The following ROBO1 variants were observed in gnomAD, a reference collection of about 807,000 sequenced individuals.
ROBO1 encodes the protein roundabout guidance receptor 1, also known as roundabout homolog 1.
In ROBO1, 149 loss-of-function variants were observed where a neutral mutation model predicts 195.9. That is an observed-to-expected ratio of 0.76 (90% CI 0.67 to 0.87). ROBO1 has a LOEUF of 0.87. ROBO1 is among the 40% of genes least tolerant of loss of function. The pLI is 0.00. For missense variants in ROBO1, 1,933 were observed against 2,068.3 expected, an observed-to-expected ratio of 0.93 and a Z score of 1.27; for synonymous variants, 816 against 733.2, an observed-to-expected ratio of 1.11 and a Z score of -1.82.
intron 5 of ROBO1, among the ~76,000 whole-genome samples, chr3:78,723,187 C>T (rs1446076462): frequency 2.6e-5 from 4 of 152,084 alleles, no homozygotes; most frequent in Admixed American, 1.3e-4. Flanking sequence ...CAGTGCATCA[C>T]CTTTTCTACA....
intron 2 of ROBO1, among the ~76,000 whole-genome samples, chr3:79,300,936 A>G (rs935399019): frequency 6.6e-6 from 1 of 151,990 alleles, no homozygotes; most frequent in Non-Finnish European, 1.5e-5. Context: ...GGGATTGTAA[A>G]CGCACCAATC....
intron 2 of ROBO1, among the ~76,000 whole-genome samples, chr3:79,152,688 A>T (rs190293011): frequency 3.9e-5 from 6 of 151,904 alleles, no homozygotes; most frequent in Admixed American, 3.9e-4. Context: ...AAATGGGAGG[A>T]ATCTGACAAG....
chr3:78,672,227 T>C (rs1708104092), intron 10 of ROBO1, among the ~76,000 whole-genome samples: 1 of 149,180 alleles, frequency 6.7e-6, no homozygotes, highest in African/African-American at 2.5e-5. Context: ...GTAGTATCAC[T>C]AGTGTCCTCT....
intron 1 of ROBO1, among the ~76,000 whole-genome samples, chr3:79,690,350 G>A (rs367837718): frequency 6.6e-6 from 1 of 152,112 alleles, no homozygotes; most frequent in East Asian, 2.0e-4. Context: ...TGTGAAGAGT[G>A]ATGAGAGGAC....
chr3:78,643,018 T>A (rs972829602), intron 21 of ROBO1, among the ~76,000 whole-genome samples: 2 of 152,158 alleles, frequency 1.3e-5, no homozygotes, highest in Non-Finnish European at 2.9e-5. Context: ...ATGTGATTTA[T>A]CGCATTTATT....
intron 2 of ROBO1, among the ~76,000 whole-genome samples, chr3:79,208,801 A>T (rs149642711): frequency 6.7e-6 from 1 of 149,820 alleles, no homozygotes; most frequent in East Asian, 2.0e-4. Context: ...AGATGTGAGA[A>T]ATGAGGTTTA....
At chr3:79,626,990 A>T (rs1485777283) in intron 1 of ROBO1, among the ~76,000 whole-genome samples, 1 of 152,196 alleles carries the variant, frequency 6.6e-6, no homozygotes, top group Non-Finnish European at 1.5e-5. Flanking sequence ...CCACTCCTCA[A>T]GGAAATAAGG....
chr3:79,370,417 T>G (rs987309947), intron 2 of ROBO1, among the ~76,000 whole-genome samples: 1 of 152,022 alleles, frequency 6.6e-6, no homozygotes, highest in Non-Finnish European at 1.5e-5. Context: ...TCCATATATA[T>G]TCTCCCTTTA....
intron 3 of ROBO1, among the ~76,000 whole-genome samples, chr3:78,986,987 A>G (rs1390203612): frequency 2.0e-5 from 3 of 152,102 alleles, no homozygotes; most frequent in Non-Finnish European, 1.5e-5. Flanking sequence ...TTGTTTTCTT[A>G]AACAGTGCCT....
chr3:79,006,869 GCTT>G (rs1288683119), intron 3 of ROBO1, among the ~76,000 whole-genome samples: 3 of 151,824 alleles, frequency 2.0e-5, no homozygotes, highest in Admixed American at 1.3e-4. Flanking sequence ...CAGTTATCTA[GCTT>G]CTTAATACAT....
chr3:79,407,710 T>G (rs2037602600), intron 2 of ROBO1, among the ~76,000 whole-genome samples: 1 of 152,104 alleles, frequency 6.6e-6, no homozygotes. Flanking sequence ...TATTAATGAT[T>G]TCTTAAATAT....
At chr3:79,488,737 G>C (rs1939289944) in intron 2 of ROBO1, among the ~76,000 whole-genome samples, 1 of 152,088 alleles carries the variant, frequency 6.6e-6, no homozygotes. Flanking sequence ...GAGTCTAATG[G>C]ACATACACTG....
intron 2 of ROBO1, among the ~76,000 whole-genome samples, chr3:79,386,105 T>C (rs931899886): frequency 6.6e-6 from 1 of 152,066 alleles, no homozygotes; most frequent in Non-Finnish European, 1.5e-5. Context: ...AATATTATAG[T>C]GATAGATTTT....
At chr3:79,256,769 T>C (rs1234558460) in intron 2 of ROBO1, among the ~76,000 whole-genome samples, 3 of 152,136 alleles carry the variant, frequency 2.0e-5, no homozygotes, top group East Asian at 3.9e-4. Context: ...GGTAGAGATA[T>C]CTTAACTTTT....
At chr3:78,610,809 G>C (rs1703766285) in intron 28 of ROBO1, among the ~76,000 whole-genome samples, 1 of 152,070 alleles carries the variant, frequency 6.6e-6, no homozygotes, top group Admixed American at 6.5e-5. Flanking sequence ...CAATTAGAGA[G>C]GGAAATGTTG....
chr3:79,324,511 G>A (rs2034122616), intron 2 of ROBO1, among the ~76,000 whole-genome samples: 1 of 152,116 alleles, frequency 6.6e-6, no homozygotes, highest in Admixed American at 6.5e-5. Flanking sequence ...GAAATCTTTG[G>A]GGAGTGACAC....
chr3:79,470,800 C>T (rs1938231897), intron 2 of ROBO1, among the ~76,000 whole-genome samples: 1 of 152,068 alleles, frequency 6.6e-6, no homozygotes, highest in African/African-American at 2.4e-5. Context: ...ACCATGAAGC[C>T]CCCGCTGCCA....
Position 78,904,237 on chromosome 3 carries a change from C to T in ROBO1, c.499+34364G>A, listed in dbSNP as rs188469517. Among the ~76,000 whole-genome samples, 770 of 151,726 alleles carry T rather than the reference C, an allele frequency of 5.1e-3. 5 individuals are homozygous for T. The highest frequency in any genetic ancestry group is 0.018 in the African/African-American group (729 of 41,382). ...GTATGTGTGTCTGTCTGTATCATAC[C>T]CAAAGGGTGTGAATCCATTCAGTAG... On this transcript the variant is annotated intron_variant, in intron 4 of 30. Transcript: ENST00000464233.
At chr3:79,191,597 G>A (rs1185565703) in intron 2 of ROBO1, among the ~76,000 whole-genome samples, 1 of 151,216 alleles carries the variant, frequency 6.6e-6, no homozygotes, top group Non-Finnish European at 1.5e-5. Context: ...TTGTATGAGT[G>A]AGCTTTAAAC....
Sources: allele counts gnomAD v4.1 joint callset (sites outside exome capture counted in the v4.1 genomes callset), GRCh38; gene constraint gnomAD v4.1.1; transcripts MANE v1.5; gene names NCBI Gene and HGNC (gene_info 2026-07-23, HGNC 2026-07-21).